The following RARB variants were observed in gnomAD, a reference collection of about 807,000 sequenced individuals.
The protein encoded by RARB is HBV-activated protein.
RARB carries 17 observed loss-of-function variants against 51.9 expected under a neutral mutation model. The observed-to-expected ratio is 0.33, with a 90% CI of 0.22 to 0.49. RARB has a LOEUF of 0.49. Among genes scored for constraint, RARB ranks in the 20% least tolerant of loss-of-function variants. The probability of loss-of-function intolerance (pLI) is 0.99; values close to 1 mark genes in which losing one functional copy is unlikely to be tolerated. For missense variants in RARB, 369 were observed against 550.8 expected (o/e 0.67, Z 3.30); for synonymous variants, 215 against 195.4 (o/e 1.10, Z -0.84).
At chr3:25,117,338 A>G (rs1039836586) in intron 3 of RARB, among the ~76,000 whole-genome samples, 11 of 152,184 alleles carry the variant, frequency 7.2e-5, no homozygotes, top group African/African-American at 2.7e-4. Context: ...TTGAGAACTG[A>G]ATAAAAGTTC....
At chr3:24,893,000 A>G (rs1703414420) in intron 2 of RARB, among the ~76,000 whole-genome samples, 1 of 152,190 alleles carries the variant, frequency 6.6e-6, no homozygotes, top group Non-Finnish European at 1.5e-5. Flanking sequence ...TAGCTGACTC[A>G]AGAGAATTCT....
chr3:25,030,747 G>C (rs1209373009), intron 2 of RARB, among the ~76,000 whole-genome samples: 2 of 152,150 alleles, frequency 1.3e-5, no homozygotes, highest in African/African-American at 4.8e-5. Flanking sequence ...GCTTTTACTT[G>C]TGTCATGTTC....
At chr3:25,414,849 A>T (rs1707657603) in intron 5 of RARB, among the ~76,000 whole-genome samples, 1 of 152,122 alleles carries the variant, frequency 6.6e-6, no homozygotes, top group Admixed American at 6.6e-5. Context: ...TATGCTTTGC[A>T]CAATTTTTTG....
At chr3:25,337,963 A>G (rs1297599852) in intron 5 of RARB, among the ~76,000 whole-genome samples, 3 of 152,130 alleles carry the variant, frequency 2.0e-5, no homozygotes, top group Non-Finnish European at 4.4e-5. Context: ...AGCGTAGGTC[A>G]ATTAGATCTA....
intron 3 of RARB, among the ~76,000 whole-genome samples, chr3:25,524,862 T>TGA (rs1416014581): frequency 2.6e-5 from 4 of 152,082 alleles, no homozygotes; most frequent in African/African-American, 7.2e-5. Context: ...CCTGAGTAGC[T>TGA]GAGATTACAG....
intron 5 of RARB, among the ~76,000 whole-genome samples, chr3:25,205,479 A>C (rs1276048079): frequency 3.9e-5 from 6 of 152,212 alleles, no homozygotes; most frequent in Non-Finnish European, 8.8e-5. Context: ...CTGGTACCTC[A>C]GTTGGAAATG....
intron 5 of RARB, among the ~76,000 whole-genome samples, chr3:25,275,521 G>A (rs11718431): frequency 0.029 from 4,432 of 152,252 alleles, 100 homozygotes; most frequent in Non-Finnish European, 0.046. Flanking sequence ...TGCACCATCC[G>A]GAAGCTACCC....
chr3:25,569,144 A>G (rs1250185207), intron 3 of RARB, among the ~76,000 whole-genome samples: 2 of 152,244 alleles, frequency 1.3e-5, no homozygotes, highest in Non-Finnish European at 2.9e-5. Flanking sequence ...TTCATACTGT[A>G]TCAATTATTA....
chr3:24,973,846 T>C (rs1419126123), intron 2 of RARB, among the ~76,000 whole-genome samples: 1 of 152,122 alleles, frequency 6.6e-6, no homozygotes, highest in African/African-American at 2.4e-5. Flanking sequence ...CTAACAGTTT[T>C]TTGGTGGAGC....
intron 3 of RARB, among the ~76,000 whole-genome samples, chr3:25,108,881 C>T (rs115315732): frequency 0.023 from 3,432 of 152,198 alleles, 118 homozygotes; most frequent in African/African-American, 0.072. Context: ...ATTTCTGTAT[C>T]TCCTTATGTA....
At chr3:25,001,970 C>T (rs1371916158) in intron 2 of RARB, among the ~76,000 whole-genome samples, 2 of 151,974 alleles carry the variant, frequency 1.3e-5, no homozygotes, top group East Asian at 1.9e-4. Flanking sequence ...AGGGTTTCAC[C>T]GTGTTGCCCA....
chr3:24,903,063 C>G (rs1186815963), intron 2 of RARB, among the ~76,000 whole-genome samples: 2 of 152,000 alleles, frequency 1.3e-5, no homozygotes, highest in Non-Finnish European at 2.9e-5. Context: ...TTTTGACATG[C>G]TTTCAAATTT....
In RARB at chr3:24,921,394, A is replaced by G. The variant is rs562366372; in HGVS notation, c.-380+62642A>G. Among the ~76,000 whole-genome samples the G allele has an allele frequency of 3.9e-5, 6 of 152,246 alleles. No homozygotes were observed. In the South Asian group the frequency reaches 1.2e-3, roughly 32 times the overall value. On this transcript the variant is annotated intron_variant, in intron 2 of 11. Coordinates refer to the RARB transcript ENST00000383772. ...GCACTACATGCTTCTGTTTTCTTCC[A>G]TTATCACAGAAAATCAGCCCTGCCC...
chr3:25,286,083 CTTTTTTTTT>C (rs33947703), intron 5 of RARB, among the ~76,000 whole-genome samples: 9 of 76,476 alleles, frequency 1.2e-4, no homozygotes, highest in African/African-American at 5.1e-4. Flanking sequence ...TGATCTTTCT[CTTTTTTTTT>C]TTTTTTTTTT....
At chr3:24,883,776 A>G (rs997846896) in intron 2 of RARB, among the ~76,000 whole-genome samples, 5 of 152,188 alleles carry the variant, frequency 3.3e-5, no homozygotes, top group Non-Finnish European at 5.9e-5. Context: ...ACACATTGCA[A>G]GCAAACAAGT....
intron 4 of RARB, among the ~76,000 whole-genome samples, chr3:25,571,932 G>T (rs916156665): frequency 1.3e-5 from 2 of 152,144 alleles, no homozygotes. Flanking sequence ...CCCCATGCTG[G>T]GTGCATCTGA....
intron 3 of RARB, among the ~76,000 whole-genome samples, chr3:25,087,250 G>A (rs1699120988): frequency 6.6e-6 from 1 of 152,120 alleles, no homozygotes. Flanking sequence ...CTGAGCTAGT[G>A]TTTCAGATTT....
intron 1 of RARB, among the ~76,000 whole-genome samples, chr3:24,830,136 T>C (rs1298066310): frequency 1.3e-5 from 2 of 152,090 alleles, no homozygotes; most frequent in African/African-American, 4.8e-5. Context: ...AAGCCTGGAC[T>C]GTCAGCCGCG....
At chr3:25,180,634 G>A (rs2095268941) in intron 5 of RARB, among the ~76,000 whole-genome samples, 2 of 152,206 alleles carry the variant, frequency 1.3e-5, no homozygotes, top group Non-Finnish European at 2.9e-5. Context: ...AAGCTCTGGT[G>A]ACTTATGCCT....
Sources: gnomAD v4.1 joint callset for allele counts (sites outside exome capture counted in the v4.1 genomes callset) on GRCh38, gnomAD v4.1.1 for gene constraint, MANE v1.5 for transcripts, NCBI Gene and HGNC (gene_info 2026-07-23, HGNC 2026-07-21) for gene names.